Variants in KYNU observed in about 807,000 individuals in gnomAD.
The protein encoded by KYNU is kynureninase, also known as L-kynurenine hydrolase.
In KYNU, 54 loss-of-function variants were observed where a neutral mutation model predicts 59.2. The ratio of observed to expected loss-of-function variants is 0.91; its 90% CI spans 0.73 to 1.14. KYNU has a LOEUF of 1.14. Ranked by LOEUF, KYNU falls within the 50% of genes most tolerant of loss-of-function variation. The pLI is 0.00. For missense variants in KYNU, 567 were observed against 554.4 expected, an observed-to-expected ratio of 1.02 and a Z score of -0.23; for synonymous variants, 177 against 192.0, an observed-to-expected ratio of 0.92 and a Z score of 0.65.
chr2:143,040,507 A>G lies in KYNU; in HGVS notation c.1121A>G (p.His374Arg), dbSNP rs1440973002. The part of the protein sequence containing the change: ...LTGYLEYLIK[H>R]NYGKDKAATK... ...GGCTATCTGGAATACCTGATCAAGCATAACTATGGCAAAGATAAAGCAGCA... is the reference window on the plus strand; with the variant it reads ...GGCTATCTGGAATACCTGATCAAGCGTAACTATGGCAAAGATAAAGCAGCA... The change falls in exon 13 of 14, where the codon CAT becomes CGT. Residue 374 changes from histidine to arginine, a missense_variant. By Grantham distance (29) the His-to-Arg change is conservative. Coordinates refer to ENST00000264170, the MANE Select transcript of KYNU (RefSeq NM_003937.3). 6.2e-7 allele frequency: 1 copy of G among 1,613,246 alleles called. No individual in the cohort carries two copies. The highest frequency in any genetic ancestry group is 8.5e-7 in the Non-Finnish European group (1 of 1,179,564).
At chr2:143,019,178 A>G (rs1478936861) in intron 10 of KYNU, among the ~76,000 whole-genome samples, 1 of 152,174 alleles carries the variant, frequency 6.6e-6, no homozygotes, top group Non-Finnish European at 1.5e-5. Context: ...TATGTTCAAC[A>G]GCAGTGGTTA....
Position 143,011,192 on chromosome 2 carries a change from C to T in KYNU, c.903-18435C>T, listed in dbSNP as rs921803994. On this transcript the variant is annotated intron_variant, in intron 10 of 13. Coordinates refer to ENST00000264170, the MANE Select transcript of KYNU (RefSeq NM_003937.3). ...ACAAAGGGCTAACATCCAGAATCTA[C>T]AATGAACTCAAACAAATTTACAAGA... is the stretch of plus-strand genomic sequence containing the variant. Among the ~76,000 whole-genome samples, 43 of 143,006 alleles carry T rather than the reference C, an allele frequency of 3.0e-4. 6 individuals carry two copies. The highest frequency in any genetic ancestry group is 1.0e-3 in the African/African-American group (39 of 37,226). The allele number at this position is 143,006 out of a possible 152,430, so 93.8% of individuals were successfully genotyped here.
At chr2:142,896,172 T>C (rs1681869543) in intron 2 of KYNU, among the ~76,000 whole-genome samples, 1 of 152,210 alleles carries the variant, frequency 6.6e-6, no homozygotes, top group South Asian at 2.1e-4. Flanking sequence ...GATCATATTA[T>C]AGGTATATTT....
intron 10 of KYNU, among the ~76,000 whole-genome samples, chr2:143,015,644 G>T (rs1686226682): frequency 6.6e-6 from 1 of 151,828 alleles, no homozygotes; most frequent in African/African-American, 2.4e-5. Context: ...CTGGGTTTTT[G>T]TCCCTCTTTT....
intron 8 of KYNU, among the ~76,000 whole-genome samples, chr2:142,961,686 A>G (rs1431701191): frequency 2.0e-5 from 3 of 152,062 alleles, no homozygotes. Context: ...TCACAGTTAA[A>G]TTGTTTTGAA....
intron 8 of KYNU, among the ~76,000 whole-genome samples, chr2:142,979,500 A>G (rs1684990556): frequency 6.6e-6 from 1 of 152,292 alleles, no homozygotes; most frequent in South Asian, 2.1e-4. Context: ...AAGAATCTTC[A>G]CTCAAAGTTA....
intron 7 of KYNU, among the ~76,000 whole-genome samples, chr2:142,959,125 ACT>A (rs1469571603): frequency 6.6e-6 from 1 of 152,050 alleles, no homozygotes; most frequent in Non-Finnish European, 1.5e-5. Context: ...ACACATACAC[ACT>A]CACACACACA....
chr2:142,962,773 A>T (rs351685), intron 8 of KYNU, among the ~76,000 whole-genome samples: 3 of 152,002 alleles, frequency 2.0e-5, no homozygotes, highest in South Asian at 2.1e-4. Flanking sequence ...TCCATTATCA[A>T]GATTATTCTA....
In KYNU at chr2:142,885,520, A is replaced by G; in HGVS notation, c.153A>G (p.Ile51Met). Residue 51 changes from isoleucine to methionine, a missense_variant, in exon 2 of 14, where the codon ATA becomes ATG. Transcript: ENST00000264170. ...HFRECFYIPK[I>M]QDLPPVDLSL... ...GGGAGTGCTTTTATATTCCCAAAAT[A>G]CAGGATCTGCCTCCAGGTAAGAATG... 6.2e-7 allele frequency: 1 copy of G among 1,613,554 alleles called. No individual in the cohort carries two copies. The highest frequency in any genetic ancestry group is 1.1e-5 in the South Asian group (1 of 91,026).
intron 10 of KYNU, among the ~76,000 whole-genome samples, chr2:143,002,009 A>C (rs1203137269): frequency 6.6e-6 from 1 of 152,122 alleles, no homozygotes; most frequent in Non-Finnish European, 1.5e-5. Flanking sequence ...TAAATGTTCT[A>C]TGGGATTTTA....
chr2:142,950,382 T>C (rs1683947860), intron 4 of KYNU, among the ~76,000 whole-genome samples: 2 of 152,168 alleles, frequency 1.3e-5, no homozygotes, highest in Non-Finnish European at 2.9e-5. Context: ...ACTGGGCAAA[T>C]TACAAATGAA....
chr2:142,987,533 C>G (rs1685246392), intron 10 of KYNU, among the ~76,000 whole-genome samples: 1 of 151,936 alleles, frequency 6.6e-6, no homozygotes. Context: ...TAAGTCTAAG[C>G]TCCCAAGAGA....
chr2:143,040,673 C>T lies in KYNU; in HGVS notation c.1272+15C>T. The T allele has an allele frequency of 6.5e-7, 1 of 1,544,066 alleles. No homozygotes were observed. Among genetic ancestry groups the T allele is most frequent in the Non-Finnish European group, 8.9e-7 (1 of 1,127,478 alleles). On this transcript the variant is annotated intron_variant, in intron 13 of 13. Transcript: ENST00000264170. Reference sequence around the variant, plus strand: ...GAGGAGTGGTTGTAAGTATGTCTTGCTTTGCTACCAGATTTTGTCTATGGG... The same window carrying T: ...GAGGAGTGGTTGTAAGTATGTCTTGTTTTGCTACCAGATTTTGTCTATGGG...
intron 2 of KYNU, among the ~76,000 whole-genome samples, chr2:142,912,622 G>A (rs543742985): frequency 1.2e-4 from 18 of 148,672 alleles, no homozygotes; most frequent in South Asian, 6.4e-4. Context: ...CAGGTGATCC[G>A]CCCACCTCGG....
chr2:143,002,165 A>G (rs906597210), intron 10 of KYNU, among the ~76,000 whole-genome samples: 6 of 152,192 alleles, frequency 3.9e-5, no homozygotes, highest in Non-Finnish European at 5.9e-5. Context: ...GGAAATATAT[A>G]ATTTCTTAAG....
At chr2:142,940,713 A>G (rs1683567569) in intron 4 of KYNU, among the ~76,000 whole-genome samples, 1 of 152,226 alleles carries the variant, frequency 6.6e-6, no homozygotes, top group Admixed American at 6.5e-5. Flanking sequence ...CTGTCTTTGA[A>G]AAACCACACA....
chr2:142,998,811 A>G (rs1450433403), intron 10 of KYNU, among the ~76,000 whole-genome samples: 12 of 152,020 alleles, frequency 7.9e-5, no homozygotes, highest in Admixed American at 7.2e-4. Flanking sequence ...GATTGAGACC[A>G]TCCTGGCCAA....
chr2:142,900,608 G>A (rs1682045157), intron 2 of KYNU, among the ~76,000 whole-genome samples: 2 of 152,202 alleles, frequency 1.3e-5, no homozygotes, highest in South Asian at 4.1e-4. Flanking sequence ...CATGTTTAAA[G>A]ATGGATGCGG....
chr2:143,009,589 C>T lies in KYNU; in HGVS notation c.903-20038C>T, dbSNP rs371240162. On this transcript the variant is annotated intron_variant, in intron 10 of 13. Transcript: ENST00000264170. ...GCCAGCATCATTCTGATACCAAAGC[C>T]GGGCAGAGACACAACCAAAAAAGAG... 1.4e-3 allele frequency among the ~76,000 whole-genome samples: 97 copies of T among 68,076 alleles called. 3 individuals are homozygous for T. The East Asian group carries it at 0.03, about 21-fold the overall frequency. The allele number at this position is 68,076 out of a possible 152,430, so 44.7% of individuals were successfully genotyped here.
Sources: gnomAD v4.1 joint callset for allele counts (sites outside exome capture counted in the v4.1 genomes callset) on GRCh38, gnomAD v4.1.1 for gene constraint, MANE v1.5 for transcripts, NCBI Gene and HGNC (gene_info 2026-07-23, HGNC 2026-07-21) for gene names.